Variants in QRICH1 observed in about 807,000 individuals in gnomAD.
The protein encoded by QRICH1 is transcriptional regulator QRICH1.
QRICH1 carries 16 observed loss-of-function variants against 87.1 expected under a neutral mutation model. The ratio of observed to expected loss-of-function variants is 0.18; its 90% CI spans 0.12 to 0.28. The LOEUF is 0.28. QRICH1 is among the 10% of genes least tolerant of loss of function. The probability of loss-of-function intolerance (pLI) is 1.00; values close to 1 mark genes in which losing one functional copy is unlikely to be tolerated. For synonymous variants in QRICH1, 367 were observed against 368.4 expected (o/e 1.00, Z 0.05); for missense variants, 647 against 951.7 (o/e 0.68, Z 4.21).
intron 2 of QRICH1, among the ~76,000 whole-genome samples, chr3:49,063,199 A>G (rs984995931): frequency 3.3e-5 from 5 of 152,196 alleles, no homozygotes; most frequent in Non-Finnish European, 7.3e-5. Context: ...TAGGTGTTCA[A>G]ATAAGTAGGT....
rs774813363 is a variant in QRICH1, at chr3:49,032,792, G to T, written c.1896-19C>A. ...GAAGTACCTGGATCACAAGTAAAAT[G>T]CAAGGCAGAGGGAGGGGTGCCGGGA... On this transcript the variant is annotated intron_variant, in intron 7 of 9. Transcript: ENST00000395443. 97 of 1,598,264 alleles carry T rather than the reference G, an allele frequency of 6.1e-5. No homozygotes were observed. The highest frequency in any genetic ancestry group is 7.8e-5 in the Non-Finnish European group (92 of 1,174,208).
intron 2 of QRICH1, among the ~76,000 whole-genome samples, chr3:49,058,622 G>A (rs1181731495): frequency 2.7e-5 from 4 of 150,288 alleles, no homozygotes; most frequent in Non-Finnish European, 4.4e-5. Flanking sequence ...CGAAACGGCC[G>A]GCATTTTTAT....
At chr3:49,050,649 T>A (rs2093365203) in intron 3 of QRICH1, among the ~76,000 whole-genome samples, 1 of 151,830 alleles carries the variant, frequency 6.6e-6, no homozygotes, top group Non-Finnish European at 1.5e-5. Context: ...ATCTTTGGCA[T>A]CAGTTTTTCT....
intron 2 of QRICH1, among the ~76,000 whole-genome samples, chr3:49,064,501 C>T (rs954365486): frequency 3.9e-5 from 6 of 151,938 alleles, no homozygotes; most frequent in African/African-American, 1.2e-4. Context: ...AATCCACCTA[C>T]CGCATCCTCC....
intron 1 of QRICH1, among the ~76,000 whole-genome samples, chr3:49,086,528 G>C (rs2042169597): frequency 6.6e-6 from 1 of 152,134 alleles, no homozygotes; most frequent in African/African-American, 2.4e-5. Context: ...GATTACAGGT[G>C]TGAGCCACTG....
chr3:49,068,550 AG>A (rs2093481469), intron 2 of QRICH1, among the ~76,000 whole-genome samples: 1 of 151,298 alleles, frequency 6.6e-6, no homozygotes, highest in Non-Finnish European at 1.5e-5. Context: ...ACTTGAGCCC[AG>A]GAAGTCCAGA....
chr3:49,078,540 G>A (rs1227730137), intron 1 of QRICH1, among the ~76,000 whole-genome samples: 4 of 149,294 alleles, frequency 2.7e-5, no homozygotes, highest in African/African-American at 9.9e-5. Flanking sequence ...GACTACAGGC[G>A]CCCACCACCA....
intron 3 of QRICH1, among the ~76,000 whole-genome samples, chr3:49,050,043 T>C (rs1343405238): frequency 6.9e-6 from 1 of 143,988 alleles, no homozygotes; most frequent in African/African-American, 2.6e-5. Context: ...CTACCAGAAA[T>C]ATAAAAAATT....
chr3:49,047,738 C>A (rs2093346971), intron 3 of QRICH1, among the ~76,000 whole-genome samples: 1 of 152,066 alleles, frequency 6.6e-6, no homozygotes, highest in Non-Finnish European at 1.5e-5. Flanking sequence ...CCGCCTCAGT[C>A]TCCCAAAGTG....
intron 2 of QRICH1, among the ~76,000 whole-genome samples, chr3:49,076,027 A>T (rs1026144655): frequency 6.6e-6 from 1 of 152,130 alleles, no homozygotes; most frequent in Non-Finnish European, 1.5e-5. Context: ...GTGGATCATG[A>T]GGTCAGGAGT....
At chr3:49,040,074 C>T (rs971412552) in intron 6 of QRICH1, among the ~76,000 whole-genome samples, 2 of 152,070 alleles carry the variant, frequency 1.3e-5, no homozygotes, top group African/African-American at 4.8e-5. Flanking sequence ...AGCCAAAAAA[C>T]AGCAACAAAA....
At chr3:49,066,225 T>G (rs962567151) in intron 2 of QRICH1, among the ~76,000 whole-genome samples, 1 of 151,842 alleles carries the variant, frequency 6.6e-6, no homozygotes, top group Admixed American at 6.6e-5. Flanking sequence ...GAGGCAGAGG[T>G]TGCAGTGACA....
intron 2 of QRICH1, among the ~76,000 whole-genome samples, chr3:49,068,047 A>C (rs911898642): frequency 1.3e-5 from 2 of 152,212 alleles, no homozygotes; most frequent in African/African-American, 4.8e-5. Context: ...AAAAAGTATT[A>C]CATTTTACTT....
intron 1 of QRICH1, chr3:49,093,373 G>C (rs889562866): frequency 1.3e-5 from 2 of 152,180 alleles, no homozygotes; most frequent in East Asian, 3.9e-4. Context: ...CCGAGGCCAC[G>C]GATGCCCGGG....
intron 1 of QRICH1, among the ~76,000 whole-genome samples, chr3:49,078,340 C>A (rs1040150532): frequency 1.3e-5 from 2 of 151,184 alleles, no homozygotes; most frequent in African/African-American, 4.9e-5. Context: ...TTCATATATA[C>A]CTGCTGCATT....
chr3:49,064,755 C>A (rs921852389), intron 2 of QRICH1, among the ~76,000 whole-genome samples: 1 of 152,074 alleles, frequency 6.6e-6, no homozygotes, highest in Non-Finnish European at 1.5e-5. Flanking sequence ...GTGGCTCATG[C>A]GTATAATCTC....
At position 49,057,233 on chromosome 3, in the gene QRICH1, G is replaced by A; in HGVS notation, c.967C>T (p.Gln323Ter). The A allele has an allele frequency of 6.2e-7, 1 of 1,614,208 alleles. No homozygotes were observed. Among genetic ancestry groups the A allele is most frequent in the Non-Finnish European group, 8.5e-7 (1 of 1,180,040 alleles). ...VYSAQPRGDP[Q>*]QQSITHIAIP... ...GCAATGTGGGTAATGCTCTGCTGCT[G>A]AGGGTCCCCCCGGGGCTGGGCAGAA... The change falls in exon 3 of 10, where the codon CAG becomes TAG. Residue 323 changes from glutamine (Q) to a stop codon, truncating the protein, a stop_gained. Transcript: ENST00000395443. LOFTEE classifies it high-confidence loss of function. The surrounding 1 kb of genome is among the most constrained non-coding windows in gnomAD (Gnocchi z 5.4).
chr3:49,061,215 A>AC (rs2093432896), intron 2 of QRICH1, among the ~76,000 whole-genome samples: 1 of 144,848 alleles, frequency 6.9e-6, no homozygotes. Context: ...CCAAAGCACC[A>AC]CCCCCATCAA....
At chr3:49,068,952 T>C (rs1244475634) in intron 2 of QRICH1, among the ~76,000 whole-genome samples, 1 of 151,084 alleles carries the variant, frequency 6.6e-6, no homozygotes, top group Non-Finnish European at 1.5e-5. Context: ...AAATTTAAAG[T>C]AGAAAGGAAT....
Sources: gnomAD v4.1 joint callset for allele counts (sites outside exome capture counted in the v4.1 genomes callset) on GRCh38, gnomAD v4.1.1 for gene constraint, Gnocchi (gnomAD v3.1) non-coding constraint, MANE v1.5 for transcripts, NCBI Gene and HGNC (gene_info 2026-07-23, HGNC 2026-07-21) for gene names.